NRG3: variants seen among roughly 807,000 people sequenced by gnomAD.
The protein encoded by NRG3 is pro-neuregulin-3, membrane-bound isoform.
In NRG3, 31 loss-of-function variants were observed where a neutral mutation model predicts 66.9. The ratio of observed to expected loss-of-function variants is 0.46; its 90% CI spans 0.35 to 0.63. The LOEUF is 0.63. Among genes scored for constraint, NRG3 ranks in the 20% least tolerant of loss-of-function variants. The pLI, the probability that NRG3 is intolerant of heterozygous loss-of-function variation, is 0.00. For synonymous variants in NRG3, 393 were observed against 359.4 expected, an observed-to-expected ratio of 1.09 and a Z score of -1.06; for missense variants, 910 against 878.9, an observed-to-expected ratio of 1.04 and a Z score of -0.45.
At chr10:82,934,083 G>A (rs536981685) in intron 4 of NRG3, among the ~76,000 whole-genome samples, 3 of 152,298 alleles carry the variant, frequency 2.0e-5, no homozygotes, top group African/African-American at 7.2e-5. Flanking sequence ...TTCCTTCAGG[G>A]TCAGGAAGAA....
intron 3 of NRG3, among the ~76,000 whole-genome samples, chr10:82,835,165 A>G (rs138075113): frequency 2.0e-5 from 3 of 152,260 alleles, no homozygotes; most frequent in East Asian, 3.9e-4. Flanking sequence ...CTCTTATATC[A>G]GAGCAAAGTA....
intron 2 of NRG3, among the ~76,000 whole-genome samples, chr10:82,508,652 T>G (rs1211029729): frequency 6.6e-6 from 1 of 152,208 alleles, no homozygotes; most frequent in Non-Finnish European, 1.5e-5. Context: ...CACTTCTTCC[T>G]TAAATTTTCT....
At chr10:82,806,050 G>T (rs1278879231) in intron 3 of NRG3, among the ~76,000 whole-genome samples, 1 of 152,142 alleles carries the variant, frequency 6.6e-6, no homozygotes, top group Non-Finnish European at 1.5e-5. Context: ...ATTGTATAGA[G>T]ATTTCTTATG....
chr10:82,909,146 A>G (rs1845071946), intron 4 of NRG3, among the ~76,000 whole-genome samples: 2 of 152,202 alleles, frequency 1.3e-5, no homozygotes, highest in Non-Finnish European at 2.9e-5. Context: ...ATGCAATTTC[A>G]CCTGCTGTAT....
At chr10:82,708,540 G>A (rs374344585) in intron 2 of NRG3, among the ~76,000 whole-genome samples, 2 of 151,932 alleles carry the variant, frequency 1.3e-5, no homozygotes, top group East Asian at 1.9e-4. Flanking sequence ...TTTCACTCCC[G>A]GTACCACCTT....
intron 1 of NRG3, among the ~76,000 whole-genome samples, chr10:82,183,222 TTC>T (rs1351126015): frequency 6.6e-6 from 1 of 151,986 alleles, no homozygotes; most frequent in African/African-American, 2.4e-5. Flanking sequence ...TTTTTTTCTT[TTC>T]TCTCTATCTC....
intron 1 of NRG3, among the ~76,000 whole-genome samples, chr10:82,079,066 A>G (rs1026830890): frequency 6.6e-6 from 1 of 151,442 alleles, no homozygotes; most frequent in Non-Finnish European, 1.5e-5. Flanking sequence ...CTTTATTTTT[A>G]TTTTTTATTT....
intron 1 of NRG3, among the ~76,000 whole-genome samples, chr10:82,144,055 AAAAAG>A (rs2070042487): frequency 6.6e-6 from 1 of 151,682 alleles, no homozygotes; most frequent in East Asian, 1.9e-4. Context: ...AAAAGAAAAA[AAAAAG>A]AAAAAAAAGA....
intron 3 of NRG3, among the ~76,000 whole-genome samples, chr10:82,829,580 A>G (rs342372): frequency 0.51 from 78,108 of 151,948 alleles, 20,165 homozygotes; most frequent in South Asian, 0.55. Flanking sequence ...AGGTAGTAAG[A>G]ACTAGGGAAC....
chr10:81,929,797 A>G (rs1220710118), intron 1 of NRG3, among the ~76,000 whole-genome samples: 1 of 152,222 alleles, frequency 6.6e-6, no homozygotes. Context: ...CTGGCCAGGC[A>G]TTGGTAGTTT....
intron 1 of NRG3, among the ~76,000 whole-genome samples, chr10:82,110,172 TAAG>T (rs2067302067): frequency 6.6e-6 from 1 of 152,202 alleles, no homozygotes; most frequent in East Asian, 1.9e-4. Context: ...TTTGCCAGGA[TAAG>T]AAGGTTACAA....
chr10:81,955,846 T>C (rs1302642656), intron 1 of NRG3, among the ~76,000 whole-genome samples: 1 of 152,176 alleles, frequency 6.6e-6, no homozygotes, highest in African/African-American at 2.4e-5. Flanking sequence ...AACTCTGCAC[T>C]CATTTATCCA....
chr10:82,036,802 C>T (rs891668079), intron 1 of NRG3, among the ~76,000 whole-genome samples: 34 of 152,140 alleles, frequency 2.2e-4, no homozygotes, highest in African/African-American at 6.7e-4. Context: ...ATTCCTGTCC[C>T]GGCACTGCTT....
At chr10:81,979,587 C>G (rs909230272) in intron 1 of NRG3, among the ~76,000 whole-genome samples, 2 of 152,076 alleles carry the variant, frequency 1.3e-5, no homozygotes, top group Admixed American at 1.3e-4. Context: ...TCAGCAATGT[C>G]AAATGTAGGT....
At chr10:82,303,468 C>T (rs1009939936) in intron 1 of NRG3, among the ~76,000 whole-genome samples, 5 of 152,132 alleles carry the variant, frequency 3.3e-5, no homozygotes, top group Admixed American at 6.6e-5. Context: ...TGAATATTGT[C>T]ATCTGATGTG....
In NRG3 at chr10:82,939,224, T is replaced by G. The variant is rs189511400; in HGVS notation, c.1055-12245T>G. ...AGGAGGGGAGGAGATAAGCGGTTAT[T>G]ACAGGAAAGGTTTATATTTGGTGGG... On this transcript the variant is annotated intron_variant, in intron 4 of 8. Coordinates refer to ENST00000372141, the MANE Select transcript of NRG3 (RefSeq NM_001010848.4). Among the ~76,000 whole-genome samples the G allele has an allele frequency of 4.2e-3, 639 of 152,240 alleles. 5 individuals are homozygous for G. The highest frequency in any genetic ancestry group is 0.015 in the African/African-American group (619 of 41,546).
At chr10:82,307,267 T>G (rs370691856) in intron 1 of NRG3, among the ~76,000 whole-genome samples, 1 of 152,306 alleles carries the variant, frequency 6.6e-6, no homozygotes, top group Non-Finnish European at 1.5e-5. Flanking sequence ...TTTTCCATAT[T>G]TTTAAGTCCT....
At chr10:82,923,682 G>A (rs796271982) in intron 4 of NRG3, among the ~76,000 whole-genome samples, 14 of 152,108 alleles carry the variant, frequency 9.2e-5, no homozygotes, top group African/African-American at 3.4e-4. Flanking sequence ...AGAACATCAG[G>A]CAATTAGCAT....
At chr10:82,628,616 G>GA (rs376189324) in intron 2 of NRG3, among the ~76,000 whole-genome samples, 22 of 145,836 alleles carry the variant, frequency 1.5e-4, no homozygotes, top group South Asian at 2.3e-4. Flanking sequence ...TTTACTGCAA[G>GA]AAAAAAAAAA....
Sources: gnomAD v4.1 joint callset for allele counts (sites outside exome capture counted in the v4.1 genomes callset) on GRCh38, gnomAD v4.1.1 for gene constraint, MANE v1.5 for transcripts, NCBI Gene and HGNC (gene_info 2026-07-23, HGNC 2026-07-21) for gene names.